Variants in KIAA1958 observed in about 807,000 individuals in gnomAD.
KIAA1958 encodes KIAA1958.
A neutral mutation model predicts 47.2 loss-of-function variants in KIAA1958; 14 were observed. The ratio of observed to expected loss-of-function variants is 0.30; its 90% CI spans 0.20 to 0.46. KIAA1958 has a LOEUF of 0.46. KIAA1958 is among the 20% of genes least tolerant of loss of function. The probability of loss-of-function intolerance (pLI) is 1.00; values close to 1 mark genes in which losing one functional copy is unlikely to be tolerated. For synonymous variants in KIAA1958, 354 were observed against 353.3 expected (o/e 1.00, Z -0.02); for missense variants, 803 against 909.2 (o/e 0.88, Z 1.50).
chr9:112,532,978 AT>A (rs1053158150), intron 1 of KIAA1958, among the ~76,000 whole-genome samples: 60 of 151,302 alleles, frequency 4.0e-4, no homozygotes, highest in African/African-American at 1.0e-3. Flanking sequence ...TTAAATGTAT[AT>A]TTTTTTTTCA....
chr9:112,666,471 CCT>C lies in KIAA1958; in HGVS notation c.*6404_*6405del, dbSNP rs1437432829. 2 of 152,122 alleles carry C rather than the reference CCT, an allele frequency of 1.3e-5. No homozygotes were observed. The highest frequency in any genetic ancestry group is 4.8e-5 in the African/African-American group (2 of 41,430). The allele number at this position is 152,122 out of a possible 1,614,324, so 9.4% of individuals were successfully genotyped here. On this transcript the variant is annotated 3_prime_UTR_variant, in exon 4 of 4. Transcript: ENST00000337530. ...CTAGAGAGTTAGTCCAGAACTCTCTCCTCCATATCACAGCTGAGAAGATTTAG... is the reference window on the plus strand; with the variant it reads ...CTAGAGAGTTAGTCCAGAACTCTCTCCCATATCACAGCTGAGAAGATTTAG...
chr9:112,625,149 T>C (rs1836586304), intron 2 of KIAA1958, among the ~76,000 whole-genome samples: 2 of 152,170 alleles, frequency 1.3e-5, no homozygotes, highest in African/African-American at 2.4e-5. Flanking sequence ...AATGTATTTA[T>C]TTGTTTTTCG....
At chr9:112,589,514 C>T (rs1216986036) in intron 2 of KIAA1958, among the ~76,000 whole-genome samples, 4 of 152,172 alleles carry the variant, frequency 2.6e-5, no homozygotes, top group African/African-American at 4.8e-5. Flanking sequence ...ATCACTTGAA[C>T]CCGGGAGGTG....
intron 2 of KIAA1958, among the ~76,000 whole-genome samples, chr9:112,620,724 C>G (rs1225181497): frequency 6.6e-6 from 1 of 151,702 alleles, no homozygotes; most frequent in Non-Finnish European, 1.5e-5. Context: ...TTTGAGCCAG[C>G]ATGCATGCCA....
At chr9:112,535,014 C>T (rs1477121812) in intron 1 of KIAA1958, among the ~76,000 whole-genome samples, 1 of 151,942 alleles carries the variant, frequency 6.6e-6, no homozygotes, top group Admixed American at 6.6e-5. Flanking sequence ...TTATGGTGTA[C>T]AACATGATGT....
Position 112,660,915 on chromosome 9 carries a change from G to A in KIAA1958, c.*846G>A, listed in dbSNP as rs1284399921. 6.6e-6 allele frequency: 1 copy of A among 152,206 alleles called. No homozygotes were observed. Among genetic ancestry groups the A allele is most frequent in the Non-Finnish European group, 1.5e-5 (1 of 68,054 alleles). The allele number at this position is 152,206 out of a possible 1,614,324, so 9.4% of individuals were successfully genotyped here. A position where few individuals can be genotyped will look rare whatever the true frequency, so the allele number is the denominator to read the frequency against. On this transcript the variant is annotated 3_prime_UTR_variant, in exon 4 of 4. Coordinates refer to ENST00000337530, the MANE Select transcript of KIAA1958 (RefSeq NM_133465.4). ...TTTTATTTCTCAGCACCATGTGAGA[G>A]CTCCTTTGATTGGAACATTTTTTGA...
intron 3 of KIAA1958, among the ~76,000 whole-genome samples, chr9:112,658,787 A>G (rs558281775): frequency 3.4e-4 from 51 of 151,960 alleles, no homozygotes; most frequent in East Asian, 5.8e-4. Context: ...GTGAAACCCC[A>G]TCTCTACAAA....
chr9:112,526,540 C>G (rs1333553334), intron 1 of KIAA1958, among the ~76,000 whole-genome samples: 1 of 152,166 alleles, frequency 6.6e-6, no homozygotes, highest in African/African-American at 2.4e-5. Context: ...ACCACCTTGC[C>G]CAGCCGAGAC....
intron 2 of KIAA1958, among the ~76,000 whole-genome samples, chr9:112,598,736 A>T (rs560227099): frequency 6.6e-6 from 1 of 152,366 alleles, no homozygotes; most frequent in East Asian, 1.9e-4. Context: ...ACTGAAGTGT[A>T]TAATTAAGAC....
chr9:112,559,020 TC>T (rs1315683446), intron 1 of KIAA1958, among the ~76,000 whole-genome samples: 1 of 152,250 alleles, frequency 6.6e-6, no homozygotes, highest in African/African-American at 2.4e-5. Flanking sequence ...TTCATCTTTT[TC>T]TACACCCTTC....
At chr9:112,527,936 CAA>C (rs34568466) in intron 1 of KIAA1958, among the ~76,000 whole-genome samples, 251 of 124,914 alleles carry the variant, frequency 2.0e-3, no homozygotes, top group Middle Eastern at 8.1e-3. Flanking sequence ...GACCCTTTCT[CAA>C]AAAAAAAAAA....
intron 2 of KIAA1958, among the ~76,000 whole-genome samples, chr9:112,605,876 C>T (rs1199040864): frequency 6.6e-6 from 1 of 152,260 alleles, no homozygotes; most frequent in African/African-American, 2.4e-5. Flanking sequence ...AAATGTGTCA[C>T]TTATCCTCTC....
chr9:112,656,143 C>T (rs769643038), intron 3 of KIAA1958, among the ~76,000 whole-genome samples: 5 of 152,028 alleles, frequency 3.3e-5, no homozygotes, highest in African/African-American at 7.2e-5. Flanking sequence ...GAGGCCTAGG[C>T]GGGCGGATCG....
At chr9:112,510,481 GC>G (rs1440582751) in intron 1 of KIAA1958, among the ~76,000 whole-genome samples, 1 of 152,172 alleles carries the variant, frequency 6.6e-6, no homozygotes, top group Non-Finnish European at 1.5e-5. Flanking sequence ...TGGCACCTGT[GC>G]TTTCAGATCT....
chr9:112,550,365 G>C (rs1016881645), intron 1 of KIAA1958, among the ~76,000 whole-genome samples: 1 of 152,150 alleles, frequency 6.6e-6, no homozygotes, highest in Non-Finnish European at 1.5e-5. Context: ...GCTATGGTTT[G>C]AATGTGTCCC....
chr9:112,603,097 A>T (rs966852244), intron 2 of KIAA1958, among the ~76,000 whole-genome samples: 20 of 152,216 alleles, frequency 1.3e-4, no homozygotes, highest in Non-Finnish European at 8.8e-5. Flanking sequence ...GGAGAGATAG[A>T]CACAAAACAA....
chr9:112,646,974 A>G (rs927837348), intron 3 of KIAA1958, among the ~76,000 whole-genome samples: 2 of 152,232 alleles, frequency 1.3e-5, no homozygotes, highest in African/African-American at 2.4e-5. Flanking sequence ...GTATACATTG[A>G]AAAGTCTTGC....
chr9:112,517,115 T>C (rs1834449485), intron 1 of KIAA1958, among the ~76,000 whole-genome samples: 1 of 152,198 alleles, frequency 6.6e-6, no homozygotes, highest in Non-Finnish European at 1.5e-5. Context: ...ACTTCAAATA[T>C]GGAAGGAGGC....
intron 2 of KIAA1958, among the ~76,000 whole-genome samples, chr9:112,600,643 C>T (rs1367990754): frequency 5.3e-5 from 8 of 152,120 alleles, no homozygotes; most frequent in Non-Finnish European, 1.2e-4. Flanking sequence ...TCACATATGT[C>T]CATGGCAGGA....
Sources: allele counts gnomAD v4.1 joint callset (sites outside exome capture counted in the v4.1 genomes callset), GRCh38; gene constraint gnomAD v4.1.1; transcripts MANE v1.5; gene names NCBI Gene and HGNC (gene_info 2026-07-23, HGNC 2026-07-21).